The following IQCH variants were observed in gnomAD, a reference collection of about 807,000 sequenced individuals.
IQCH encodes the protein IQ domain-containing protein H.
In IQCH, 98 loss-of-function variants were observed where a neutral mutation model predicts 117.0. The observed-to-expected ratio is 0.84, with a 90% confidence interval of 0.71 to 0.99. The LOEUF (loss-of-function observed/expected upper bound fraction) is 0.99. Ranked by LOEUF, IQCH falls within the 50% of genes least tolerant of loss-of-function variation. IQCH has a pLI of 0.00. For synonymous variants in IQCH, 412 were observed against 448.2 expected, an observed-to-expected ratio of 0.92 and a Z score of 1.02; for missense variants, 1,102 against 1,243.8, an observed-to-expected ratio of 0.89 and a Z score of 1.72.
intron 4 of IQCH, among the ~76,000 whole-genome samples, chr15:67,323,397 C>T (rs1234384151): frequency 2.0e-5 from 3 of 151,910 alleles, no homozygotes; most frequent in East Asian, 3.9e-4. Flanking sequence ...AACCCACCAC[C>T]ATGCCTGGCT....
At chr15:67,314,660 G>C (rs1675250605) in intron 4 of IQCH, among the ~76,000 whole-genome samples, 1 of 152,172 alleles carries the variant, frequency 6.6e-6, no homozygotes, top group Non-Finnish European at 1.5e-5. Context: ...TTACTGAAAT[G>C]ACTGAGTGTA....
At chr15:67,283,800 T>C (rs1013911756) in intron 4 of IQCH, among the ~76,000 whole-genome samples, 1 of 152,204 alleles carries the variant, frequency 6.6e-6, no homozygotes, top group Non-Finnish European at 1.5e-5. Flanking sequence ...TACTACCACA[T>C]ACTCCCAGTA....
intron 3 of IQCH, among the ~76,000 whole-genome samples, chr15:67,271,528 G>T (rs1045172362): frequency 6.6e-6 from 1 of 152,154 alleles, no homozygotes; most frequent in Non-Finnish European, 1.5e-5. Context: ...GAAATTAGCA[G>T]TGAAGCCATC....
chr15:67,403,896 C>G lies in IQCH; in HGVS notation c.2097+3591C>G, dbSNP rs183701740. The G allele has an allele frequency of 2.0e-5, 3 of 152,196 alleles. No homozygotes were observed. Among genetic ancestry groups the G allele is most frequent in the African/African-American group, 7.2e-5 (3 of 41,444 alleles). The allele number at this position is 152,196 out of a possible 1,614,324, so 9.4% of individuals were successfully genotyped here. ...GCAAGAGATCTTTGTAGAACAATTT[C>G]TGTGTGTAAAGAACTAAGCCAGTTT... is the stretch of plus-strand genomic sequence containing the variant. On this transcript the variant is annotated intron_variant, in intron 14 of 20. Transcript: ENST00000335894. The surrounding 1 kb of genome is among the most constrained non-coding windows in gnomAD (Gnocchi z 4.8).
chr15:67,340,213 A>G (rs1969083601), intron 5 of IQCH, among the ~76,000 whole-genome samples: 1 of 151,986 alleles, frequency 6.6e-6, no homozygotes, highest in African/African-American at 2.4e-5. Flanking sequence ...AGATCACCTG[A>G]GGTGAGGAGT....
intron 18 of IQCH, among the ~76,000 whole-genome samples, chr15:67,483,482 G>A (rs527339946): frequency 6.6e-6 from 1 of 152,314 alleles, no homozygotes; most frequent in South Asian, 2.1e-4. Context: ...GCGCTACTGC[G>A]CTCCAGCCTG....
intron 5 of IQCH, among the ~76,000 whole-genome samples, chr15:67,339,054 T>A (rs1969027574): frequency 6.6e-6 from 1 of 152,226 alleles, no homozygotes; most frequent in South Asian, 2.1e-4. Flanking sequence ...TTAAATCTAT[T>A]TAATATCTTC....
At position 67,494,153 on chromosome 15, in the gene IQCH, A is replaced by G. The variant is rs927411933; in HGVS notation, c.2862-105A>G. 8 of 679,494 alleles carry G rather than the reference A, an allele frequency of 1.2e-5. No homozygotes were observed. The highest frequency in any genetic ancestry group is 1.9e-5 in the Non-Finnish European group (8 of 424,122). 42.1% of individuals were successfully genotyped at this position (679,494 alleles called of 1,614,324 possible). On this transcript the variant is annotated intron_variant, in intron 19 of 20. Coordinates refer to ENST00000335894, the MANE Select transcript of IQCH (RefSeq NM_001031715.3). This position sits in a 1 kb window ranked among gnomAD's most constrained non-coding sequence, Gnocchi z 5.5. ...ATTGCCACCTTGTGAGATTGAAAAT[A>G]CTCATTAAATTCCATCACCAGACAG...
intron 4 of IQCH, among the ~76,000 whole-genome samples, chr15:67,293,269 C>T (rs1225081472): frequency 6.6e-6 from 1 of 152,176 alleles, no homozygotes; most frequent in East Asian, 1.9e-4. Flanking sequence ...ATGGAGCTTA[C>T]ATTCTAATTG....
intron 4 of IQCH, among the ~76,000 whole-genome samples, chr15:67,304,848 T>G (rs1011793034): frequency 6.6e-6 from 1 of 152,154 alleles, no homozygotes; most frequent in African/African-American, 2.4e-5. Context: ...CCATTGTGTA[T>G]ACTGTCATAA....
chr15:67,418,171 C>A (rs570929662), intron 15 of IQCH, among the ~76,000 whole-genome samples: 55 of 152,212 alleles, frequency 3.6e-4, no homozygotes, highest in South Asian at 2.1e-3. Context: ...CGTGCTGCTC[C>A]AGGAGTCTTG....
At chr15:67,338,277 T>TA (rs1444209921) in intron 5 of IQCH, among the ~76,000 whole-genome samples, 4 of 151,310 alleles carry the variant, frequency 2.6e-5, no homozygotes, top group Admixed American at 1.3e-4. Context: ...ATAGAGACAA[T>TA]AAAAAAATGC....
At chr15:67,337,118 T>C in intron 5 of IQCH, 23 bp downstream of exon 5, 1 of 1,612,154 alleles carries the variant, frequency 6.2e-7, no homozygotes, top group Non-Finnish European at 8.5e-7. Context: ...ATAGCCATTT[T>C]ACGTGTTTAG....
intron 14 of IQCH, among the ~76,000 whole-genome samples, chr15:67,414,337 G>A (rs762249643): frequency 1.9e-4 from 29 of 152,190 alleles, no homozygotes; most frequent in Non-Finnish European, 4.0e-4. Flanking sequence ...AAGAGAGCTG[G>A]AGAGCACGGA....
At position 67,308,938 on chromosome 15, in the gene IQCH, G is replaced by T. The variant is rs1301923215; in HGVS notation, c.388-28037G>T. ...TCTTTTAATTTATTTATAGTGGTAT[G>T]TTTCTTGAGCTTCTCTGCCATGATC... On this transcript the variant is annotated intron_variant, in intron 4 of 20. Transcript: ENST00000335894. 2.0e-5 allele frequency among the ~76,000 whole-genome samples: 3 copies of T among 152,038 alleles called. No homozygotes were observed. The East Asian group carries it at 5.8e-4, about 29-fold the overall frequency.
rs566425575 is a variant in IQCH, at chr15:67,390,945, G to A, written c.1632+1939G>A. The stretch of plus-strand genomic sequence containing the variant: ...ACCAAAATCTCTCTACCGCAGAGCA[G>A]TATCATGAGTTGGAATGACTGCCTT... On this transcript the variant is annotated intron_variant, in intron 12 of 20. Transcript: ENST00000335894. This position sits in a 1 kb window ranked among gnomAD's most constrained non-coding sequence, Gnocchi z 5.0. Among the ~76,000 whole-genome samples the A allele has an allele frequency of 1.2e-4, 19 of 152,346 alleles. No homozygotes were observed. The East Asian group carries it at 3.7e-3, about 29-fold the overall frequency.
Position 67,405,267 on chromosome 15 carries a change from T to A in IQCH, c.2097+4962T>A, listed in dbSNP as rs979472085. The A allele has an allele frequency of 3.9e-5, 6 of 152,236 alleles. No individual in the cohort carries two copies. The highest frequency in any genetic ancestry group is 8.8e-5 in the Non-Finnish European group (6 of 68,034). 9.4% of individuals were successfully genotyped at this position (152,236 alleles called of 1,614,324 possible). On this transcript the variant is annotated intron_variant, in intron 14 of 20. Coordinates refer to ENST00000335894, the MANE Select transcript of IQCH (RefSeq NM_001031715.3). The surrounding 1 kb of genome is among the most constrained non-coding windows in gnomAD (Gnocchi z 4.8). Reference sequence around the variant, plus strand: ...ACTTGTTTTTATATTTATTTTTATATGTTGAAATCTTGATGTCTTAGATTA... The same window carrying A: ...ACTTGTTTTTATATTTATTTTTATAAGTTGAAATCTTGATGTCTTAGATTA...
At chr15:67,303,682 A>G (rs59512842) in intron 4 of IQCH, among the ~76,000 whole-genome samples, 2,162 of 152,246 alleles carry the variant, frequency 0.014, 51 homozygotes, top group African/African-American at 0.046. Flanking sequence ...CCTGACAACT[A>G]TCTAGTGCCC....
At chr15:67,412,981 T>C (rs1464056032) in intron 14 of IQCH, among the ~76,000 whole-genome samples, 4 of 152,038 alleles carry the variant, frequency 2.6e-5, no homozygotes, top group Admixed American at 1.3e-4. Flanking sequence ...CTGAATGAGA[T>C]CATGAATGTG....
Sources: allele counts gnomAD v4.1 joint callset (sites outside exome capture counted in the v4.1 genomes callset), GRCh38; gene constraint gnomAD v4.1.1; non-coding constraint Gnocchi (gnomAD v3.1); transcripts MANE v1.5; gene names NCBI Gene and HGNC (gene_info 2026-07-23, HGNC 2026-07-21).